PDE4D: variants seen among roughly 807,000 people sequenced by gnomAD.
The protein encoded by PDE4D is 3',5'-cyclic-AMP phosphodiesterase 4D.
A neutral mutation model predicts 87.4 loss-of-function variants in PDE4D; 24 were observed. That is an observed-to-expected ratio of 0.27 (90% CI 0.20 to 0.39). The LOEUF (loss-of-function observed/expected upper bound fraction) is 0.39. Among genes scored for constraint, PDE4D ranks in the 10% least tolerant of loss-of-function variants. The pLI is 1.00. For missense variants in PDE4D, 714 were observed against 1,041.0 expected, an observed-to-expected ratio of 0.69 and a Z score of 4.32; for synonymous variants, 384 against 383.2, an observed-to-expected ratio of 1.00 and a Z score of -0.02.
intron 2 of PDE4D, among the ~76,000 whole-genome samples, chr5:60,118,399 A>G (rs1382508110): frequency 6.6e-6 from 1 of 152,126 alleles, no homozygotes; most frequent in Non-Finnish European, 1.5e-5. Context: ...CAGGAATCCC[A>G]TGCACTTGCT....
chr5:59,259,182 A>G (rs1258133931), intron 1 of PDE4D, among the ~76,000 whole-genome samples: 1 of 151,460 alleles, frequency 6.6e-6, no homozygotes, highest in Non-Finnish European at 1.5e-5. Flanking sequence ...ACTGGCTAGC[A>G]TTTTTTTTGG....
intron 3 of PDE4D, among the ~76,000 whole-genome samples, chr5:59,962,656 C>T (rs1394305855): frequency 2.6e-5 from 4 of 152,090 alleles, no homozygotes; most frequent in African/African-American, 9.7e-5. Flanking sequence ...TCTTCCCAAT[C>T]TCTACATAGA....
intron 1 of PDE4D, among the ~76,000 whole-genome samples, chr5:59,655,812 T>C (rs897978579): frequency 9.2e-5 from 14 of 152,178 alleles, no homozygotes; most frequent in African/African-American, 3.4e-4. Flanking sequence ...ATAGAAATGA[T>C]AAAATCAAGA....
At chr5:59,871,129 T>G (rs1222477291) in intron 1 of PDE4D, among the ~76,000 whole-genome samples, 1 of 152,178 alleles carries the variant, frequency 6.6e-6, no homozygotes, top group Non-Finnish European at 1.5e-5. Context: ...GTTAAAGGAT[T>G]GTTCAAATGT....
chr5:59,125,207 G>C, intron 5 of PDE4D: 1 of 776,778 alleles, frequency 1.3e-6, no homozygotes, highest in Non-Finnish European at 1.6e-6. Flanking sequence ...AGTTAGACTG[G>C]TGTCCATAAT....
intron 1 of PDE4D, among the ~76,000 whole-genome samples, chr5:60,439,903 G>C (rs1265260172): frequency 2.1e-5 from 3 of 143,214 alleles, no homozygotes; most frequent in Non-Finnish European, 4.5e-5. Context: ...CCCTTCAAAG[G>C]CTTTCCATTG....
chr5:60,383,350 C>A (rs529666928), intron 1 of PDE4D, among the ~76,000 whole-genome samples: 7 of 152,270 alleles, frequency 4.6e-5, no homozygotes, highest in African/African-American at 1.7e-4. Context: ...GAAATGAATT[C>A]TATGAAAATA....
chr5:59,885,648 G>A (rs879526544), intron 1 of PDE4D, among the ~76,000 whole-genome samples: 1 of 152,118 alleles, frequency 6.6e-6, no homozygotes, highest in Non-Finnish European at 1.5e-5. Context: ...CCAAGGTTAA[G>A]AATTTACTCT....
intron 1 of PDE4D, among the ~76,000 whole-genome samples, chr5:59,878,763 T>G (rs998032361): frequency 6.6e-6 from 1 of 152,144 alleles, no homozygotes; most frequent in Admixed American, 6.5e-5. Flanking sequence ...ATGTCCATCC[T>G]TTACTGCCAC....
intron 5 of PDE4D, among the ~76,000 whole-genome samples, chr5:59,099,690 T>A (rs1309663908): frequency 6.6e-6 from 1 of 152,180 alleles, no homozygotes; most frequent in Non-Finnish European, 1.5e-5. Context: ...GACAAACACA[T>A]GATTATGGTA....
At chr5:59,766,742 C>T (rs905955634) in intron 1 of PDE4D, among the ~76,000 whole-genome samples, 19 of 152,358 alleles carry the variant, frequency 1.2e-4, no homozygotes, top group Middle Eastern at 3.4e-3. Context: ...CAGTGCATCT[C>T]CCAGTGTTTA....
At chr5:59,542,535 C>A (rs1816533629) in intron 1 of PDE4D, among the ~76,000 whole-genome samples, 1 of 152,152 alleles carries the variant, frequency 6.6e-6, no homozygotes, top group Non-Finnish European at 1.5e-5. Flanking sequence ...AAAAGTTCCA[C>A]AATTGTTAAC....
Position 58,989,865 on chromosome 5 carries a change from G to T in PDE4D, c.1342C>A (p.Leu448Ile). 1 of 1,563,558 alleles carries T rather than the reference G, an allele frequency of 6.4e-7. No individual in the cohort carries two copies. Among genetic ancestry groups the T allele is most frequent in the Non-Finnish European group, 8.8e-7 (1 of 1,135,186 alleles). Reference protein sequence around the residue: ...KIPVDTLITYLMTLEDHYHAD... With the variant: ...KIPVDTLITYIMTLEDHYHAD... Reference sequence around the variant, plus strand: ...TGGTAATGGTCTTCGAGAGTCATAAGATATGTAATTAAAGTATCTACTGGA... The same window carrying T: ...TGGTAATGGTCTTCGAGAGTCATAATATATGTAATTAAAGTATCTACTGGA... Residue 448 changes from leucine to isoleucine, a missense_variant, in exon 10 of 15, where the codon CTT (leucine) becomes ATT (isoleucine). Leu to Ile is a conservative substitution (Grantham distance 5). This residue lies in a region of PDE4D where 141 missense variants were observed against 204.3 expected (regional missense o/e 0.69). Transcript: ENST00000340635.
intron 1 of PDE4D, among the ~76,000 whole-genome samples, chr5:59,505,912 T>C (rs758070063): frequency 7.9e-5 from 12 of 152,168 alleles, no homozygotes; most frequent in Non-Finnish European, 1.3e-4. Flanking sequence ...ATAAAAACAC[T>C]ACATGGTATC....
At chr5:60,021,322 C>A (rs1275210638) in intron 2 of PDE4D, 3 of 152,182 alleles carry the variant, frequency 2.0e-5, no homozygotes, top group Non-Finnish European at 2.9e-5. Flanking sequence ...CTCCTGAGAG[C>A]AGTGTTAGGT....
chr5:59,670,613 CA>C (rs200816109), intron 1 of PDE4D, among the ~76,000 whole-genome samples: 6 of 149,012 alleles, frequency 4.0e-5, no homozygotes, highest in Admixed American at 1.3e-4. Context: ...TTCCAAAATC[CA>C]AAAAAAAAAT....
chr5:60,256,717 T>C (rs556874586), intron 1 of PDE4D, among the ~76,000 whole-genome samples: 1 of 152,060 alleles, frequency 6.6e-6, no homozygotes, highest in East Asian at 1.9e-4. Flanking sequence ...TGACATCATG[T>C]GGAGGAGACA....
At chr5:59,147,064 T>C (rs1394033831) in intron 5 of PDE4D, among the ~76,000 whole-genome samples, 2 of 152,126 alleles carry the variant, frequency 1.3e-5, no homozygotes, top group African/African-American at 4.8e-5. Flanking sequence ...TGTGCACTCC[T>C]TATGAGAATC....
intron 1 of PDE4D, among the ~76,000 whole-genome samples, chr5:59,233,593 C>A (rs1226116504): frequency 1.3e-5 from 2 of 152,196 alleles, no homozygotes; most frequent in African/African-American, 4.8e-5. Flanking sequence ...AGGCTAAATG[C>A]CTTTCTAGAG....
Sources: allele counts gnomAD v4.1 joint callset (sites outside exome capture counted in the v4.1 genomes callset), GRCh38; gene constraint gnomAD v4.1.1; regional missense constraint gnomAD v4.1.1; transcripts MANE v1.5; gene names NCBI Gene and HGNC (gene_info 2026-07-23, HGNC 2026-07-21).